Variants in KAZN observed in about 807,000 individuals in gnomAD.
KAZN encodes the protein kazrin.
KAZN carries 40 observed loss-of-function variants against 87.4 expected under a neutral mutation model. The observed-to-expected ratio is 0.46, with a 90% CI of 0.36 to 0.60. The LOEUF is 0.60. Among genes scored for constraint, KAZN ranks in the 20% least tolerant of loss-of-function variants. The pLI is 0.00. For synonymous variants in KAZN, 466 were observed against 458.3 expected, an observed-to-expected ratio of 1.02 and a Z score of -0.22; for missense variants, 898 against 1,073.9, an observed-to-expected ratio of 0.84 and a Z score of 2.29.
At chr1:14,392,774 A>T (rs1662565496) in intron 2 of KAZN, among the ~76,000 whole-genome samples, 1 of 152,132 alleles carries the variant, frequency 6.6e-6, no homozygotes, top group African/African-American at 2.4e-5. Context: ...ACAAAACTGC[A>T]CTAGTTAAGA....
intron 2 of KAZN, among the ~76,000 whole-genome samples, chr1:14,412,678 AATATT>A (rs1664402289): frequency 6.6e-6 from 1 of 152,024 alleles, no homozygotes; most frequent in Admixed American, 6.5e-5. Context: ...GAAAAGAATC[AATATT>A]ATAAAATGAA....
intron 1 of KAZN, among the ~76,000 whole-genome samples, chr1:14,644,355 G>T (rs1485451535): frequency 1.9e-4 from 26 of 136,516 alleles, no homozygotes; most frequent in Admixed American, 1.2e-3. Context: ...TTGTAAATTT[G>T]TTTTTTTTTT....
At chr1:15,083,620 T>G (rs1056806261) in intron 8 of KAZN, among the ~76,000 whole-genome samples, 1 of 152,040 alleles carries the variant, frequency 6.6e-6, no homozygotes, top group Non-Finnish European at 1.5e-5. Context: ...AACATCGGCC[T>G]GTCTTTCCCG....
At chr1:15,108,563 AGTGG>A (rs1641378764) in intron 13 of KAZN, among the ~76,000 whole-genome samples, 1 of 152,218 alleles carries the variant, frequency 6.6e-6, no homozygotes. Flanking sequence ...CCCAGCACGT[AGTGG>A]GTGGCCCTCG....
At chr1:14,172,781 T>G (rs1232976972) in intron 1 of KAZN, among the ~76,000 whole-genome samples, 1 of 152,204 alleles carries the variant, frequency 6.6e-6, no homozygotes, top group Non-Finnish European at 1.5e-5. Context: ...TCTTGGCCCT[T>G]CTCTATATTG....
chr1:14,890,840 C>CTTTTTTTT (rs34718502), intron 1 of KAZN, among the ~76,000 whole-genome samples: 8 of 69,674 alleles, frequency 1.1e-4, no homozygotes, highest in African/African-American at 2.4e-4. Context: ...GGAATCTGGA[C>CTTTTTTTT]TTTTTTTTTT....
intron 2 of KAZN, among the ~76,000 whole-genome samples, chr1:14,542,447 T>TA (rs925722846): frequency 2.3e-4 from 34 of 150,378 alleles, no homozygotes; most frequent in African/African-American, 7.8e-4. Flanking sequence ...AGTGTAATAA[T>TA]AAAAAAAAAG....
In KAZN at chr1:13,978,275, G is replaced by A. The variant is rs1036283002; in HGVS notation, c.91+84519G>A. 2.6e-5 allele frequency among the ~76,000 whole-genome samples: 4 copies of A among 152,018 alleles called. No homozygotes were observed. The East Asian group carries it at 7.7e-4, about 29-fold the overall frequency. On this transcript the variant is annotated intron_variant, in intron 1 of 16. Transcript: ENST00000636203. ...ATTTTGGCAGTTAGCTAGAGCCTAC[G>A]TAGTTTTCATCTTCACCATGTCTGG...
intron 1 of KAZN, among the ~76,000 whole-genome samples, chr1:14,799,970 A>G (rs1645956270): frequency 6.6e-6 from 1 of 152,170 alleles, no homozygotes. Flanking sequence ...AGTATCTGAC[A>G]TGTTTCTTCT....
At chr1:14,746,148 G>A (rs1262293412) in intron 1 of KAZN, among the ~76,000 whole-genome samples, 1 of 152,102 alleles carries the variant, frequency 6.6e-6, no homozygotes, top group Non-Finnish European at 1.5e-5. Flanking sequence ...CTTTCGTGAT[G>A]GGCATGTGTT....
chr1:14,163,825 A>G (rs1295877803), intron 1 of KAZN, among the ~76,000 whole-genome samples: 1 of 152,170 alleles, frequency 6.6e-6, no homozygotes, highest in Non-Finnish European at 1.5e-5. Context: ...CTGCATCACC[A>G]CAGGCAATAG....
intron 2 of KAZN, among the ~76,000 whole-genome samples, chr1:14,538,746 T>G (rs1247680276): frequency 8.5e-5 from 13 of 152,134 alleles, no homozygotes; most frequent in Admixed American, 8.5e-4. Context: ...GAAAGAAAAG[T>G]TCTCATTTTT....
intron 2 of KAZN, among the ~76,000 whole-genome samples, chr1:14,302,821 C>T (rs553855075): frequency 1.2e-4 from 19 of 152,184 alleles, no homozygotes; most frequent in Admixed American, 4.6e-4. Flanking sequence ...TTGATCACCA[C>T]GAGCCACCTC....
intron 1 of KAZN, among the ~76,000 whole-genome samples, chr1:14,931,997 G>A (rs1659885784): frequency 6.6e-6 from 1 of 152,142 alleles, no homozygotes; most frequent in Non-Finnish European, 1.5e-5. Flanking sequence ...CAAGACTGCC[G>A]TGCAGTGAGA....
chr1:14,778,619 C>T (rs144300218), intron 1 of KAZN, among the ~76,000 whole-genome samples: 406 of 152,250 alleles, frequency 2.7e-3, no homozygotes, highest in African/African-American at 9.2e-3. Flanking sequence ...TCCTCATCTC[C>T]ACAAGATCCT....
chr1:14,195,133 A>AT (rs1646500488), intron 2 of KAZN, among the ~76,000 whole-genome samples: 4 of 152,224 alleles, frequency 2.6e-5, no homozygotes, highest in Admixed American at 1.3e-4. Flanking sequence ...GAAAAAATAT[A>AT]TTTTTTTAAA....
intron 2 of KAZN, among the ~76,000 whole-genome samples, chr1:14,243,222 T>C (rs1214450161): frequency 6.6e-6 from 1 of 152,282 alleles, no homozygotes; most frequent in Non-Finnish European, 1.5e-5. Flanking sequence ...CATCTTTCTC[T>C]TTTCTTTGAG....
intron 1 of KAZN, among the ~76,000 whole-genome samples, chr1:14,789,373 C>T (rs1428868884): frequency 6.6e-6 from 1 of 152,170 alleles, no homozygotes; most frequent in Non-Finnish European, 1.5e-5. Context: ...GTGCAAGACC[C>T]TCCTCACTTT....
At chr1:14,664,684 C>T (rs1173177509) in intron 1 of KAZN, among the ~76,000 whole-genome samples, 1 of 148,350 alleles carries the variant, frequency 6.7e-6, no homozygotes, top group African/African-American at 2.5e-5. Flanking sequence ...GACAGAGTCT[C>T]GCTCTGTCAC....
Sources: gnomAD v4.1 joint callset for allele counts (sites outside exome capture counted in the v4.1 genomes callset) on GRCh38, gnomAD v4.1.1 for gene constraint, MANE v1.5 for transcripts, NCBI Gene and HGNC (gene_info 2026-07-23, HGNC 2026-07-21) for gene names.